Variants in PRKAG2 observed in about 807,000 individuals in gnomAD.
PRKAG2 encodes protein kinase AMP-activated non-catalytic subunit gamma 2, also known as 5'-AMP-activated protein kinase subunit gamma-2.
A neutral mutation model predicts 69.6 loss-of-function variants in PRKAG2; 26 were observed. The observed-to-expected ratio is 0.37, with a 90% CI of 0.27 to 0.52. The LOEUF is 0.52. PRKAG2 is among the 20% of genes least tolerant of loss of function. The pLI is 0.90. For missense variants in PRKAG2, 557 were observed against 740.0 expected, an observed-to-expected ratio of 0.75 and a Z score of 2.87; for synonymous variants, 293 against 285.0, an observed-to-expected ratio of 1.03 and a Z score of -0.28.
intron 14 of PRKAG2, among the ~76,000 whole-genome samples, chr7:151,562,244 CAAAAA>C (rs575674668): frequency 1.2e-3 from 47 of 38,464 alleles, no homozygotes; most frequent in South Asian, 5.0e-3. Flanking sequence ...GACTTTGTCT[CAAAAA>C]AAAAAAAAAA....
intron 1 of PRKAG2, among the ~76,000 whole-genome samples, chr7:151,804,626 C>T (rs545071358): frequency 7.8e-4 from 119 of 152,312 alleles, no homozygotes; most frequent in African/African-American, 2.8e-3. Flanking sequence ...GTCTATTTCC[C>T]GCACTGACTC....
chr7:151,759,330 C>A (rs1329553111), intron 3 of PRKAG2, among the ~76,000 whole-genome samples: 2 of 152,310 alleles, frequency 1.3e-5, no homozygotes, highest in South Asian at 2.1e-4. Flanking sequence ...TAGAGCAGCA[C>A]CCCCGCAGCC....
intron 4 of PRKAG2, among the ~76,000 whole-genome samples, chr7:151,674,358 T>C (rs1396512628): frequency 6.6e-6 from 1 of 152,206 alleles, no homozygotes; most frequent in Non-Finnish European, 1.5e-5. Context: ...ACATTTCTAT[T>C]GTTTTAAGCC....
At chr7:151,596,380 A>C (rs1265090039) in intron 5 of PRKAG2, among the ~76,000 whole-genome samples, 3 of 152,250 alleles carry the variant, frequency 2.0e-5, no homozygotes, top group South Asian at 4.1e-4. Context: ...GCTACAAAAA[A>C]ACAAAATACT....
At chr7:151,660,577 T>A (rs552988144) in intron 4 of PRKAG2, among the ~76,000 whole-genome samples, 2 of 152,268 alleles carry the variant, frequency 1.3e-5, no homozygotes, top group Admixed American at 1.3e-4. Context: ...GCAATACTTA[T>A]ACTGTGTGTC....
chr7:151,751,944 T>C (rs1008068472), intron 3 of PRKAG2, among the ~76,000 whole-genome samples: 2 of 152,200 alleles, frequency 1.3e-5, no homozygotes, highest in Admixed American at 6.5e-5. Flanking sequence ...AAGGGCTCTT[T>C]AGAGCAATGG....
intron 1 of PRKAG2, among the ~76,000 whole-genome samples, chr7:151,846,125 T>C (rs1301692805): frequency 6.6e-6 from 1 of 152,250 alleles, no homozygotes; most frequent in Non-Finnish European, 1.5e-5. Flanking sequence ...TTACAATTTA[T>C]GGTGAACCAT....
At chr7:151,633,229 A>T (rs182734846) in intron 4 of PRKAG2, 3 of 152,322 alleles carry the variant, frequency 2.0e-5, no homozygotes, top group East Asian at 1.9e-4. Context: ...TAAACCTCTT[A>T]AAAAAAGAAA....
At chr7:151,605,936 C>CAAAA (rs560080587) in intron 5 of PRKAG2, among the ~76,000 whole-genome samples, 20 of 91,022 alleles carry the variant, frequency 2.2e-4, no homozygotes, top group African/African-American at 6.6e-4. Context: ...GACTCCGTCT[C>CAAAA]AAAAAAAAAA....
chr7:151,597,820 G>C (rs1302171988), intron 5 of PRKAG2, among the ~76,000 whole-genome samples: 4 of 124,804 alleles, frequency 3.2e-5, no homozygotes, highest in Non-Finnish European at 6.6e-5. Flanking sequence ...ACAAAAGGGA[G>C]CCCCCCCCCC....
intron 3 of PRKAG2, among the ~76,000 whole-genome samples, chr7:151,764,755 G>C (rs2075638770): frequency 6.6e-6 from 1 of 152,214 alleles, no homozygotes; most frequent in African/African-American, 2.4e-5. Flanking sequence ...TGTCAGGATG[G>C]TCAGGGTTTG....
intron 3 of PRKAG2, among the ~76,000 whole-genome samples, chr7:151,720,663 AGGGGATGGAG>A (rs1233159117): frequency 9.5e-5 from 5 of 52,386 alleles, no homozygotes; most frequent in South Asian, 8.7e-4. Context: ...GAGAGAATGG[AGGGGATGGAG>A]GGGGATGGAG....
At chr7:151,748,032 C>T (rs1202818223) in intron 3 of PRKAG2, among the ~76,000 whole-genome samples, 3 of 151,796 alleles carry the variant, frequency 2.0e-5, no homozygotes, top group African/African-American at 4.8e-5. Flanking sequence ...GCAATCCTCC[C>T]ACATCAGCCT....
At position 151,844,347 on chromosome 7, in the gene PRKAG2, G is replaced by A. The variant is rs116759166; in HGVS notation, c.114+32160C>T. ...TCTAGCTCTCAACTTCTACCACTCC[G>A]CGAAGTCGTGTGGGCTGGAAGTCAG... On this transcript the variant is annotated intron_variant, in intron 1 of 15. Coordinates refer to ENST00000287878, the MANE Select transcript of PRKAG2 (RefSeq NM_016203.4). Among the ~76,000 whole-genome samples, 406 of 152,230 alleles carry A rather than the reference G, an allele frequency of 2.7e-3. 2 individuals carry two copies. The highest frequency in any genetic ancestry group is 9.4e-3 in the African/African-American group (391 of 41,528).
At chr7:151,682,178 T>C (rs1411079518) in intron 3 of PRKAG2, among the ~76,000 whole-genome samples, 1 of 152,202 alleles carries the variant, frequency 6.6e-6, no homozygotes, top group Admixed American at 6.5e-5. Context: ...CTAAGCTTTT[T>C]TTCTTTTCAA....
At chr7:151,662,034 C>T (rs1387185335) in intron 4 of PRKAG2, among the ~76,000 whole-genome samples, 5 of 152,176 alleles carry the variant, frequency 3.3e-5, no homozygotes, top group Non-Finnish European at 7.3e-5. Context: ...AATTTTTCCA[C>T]CATTTAATGT....
At chr7:151,852,759 G>A (rs2079605053) in intron 1 of PRKAG2, among the ~76,000 whole-genome samples, 1 of 152,048 alleles carries the variant, frequency 6.6e-6, no homozygotes, top group Non-Finnish European at 1.5e-5. Flanking sequence ...AGAGGCCAGG[G>A]GTGTGCACGG....
intron 5 of PRKAG2, among the ~76,000 whole-genome samples, chr7:151,601,949 G>A (rs1182093510): frequency 6.6e-6 from 1 of 152,230 alleles, no homozygotes. Context: ...GGAGGGAACG[G>A]ATGGACAGAT....
At position 151,557,821 on chromosome 7, in the gene PRKAG2, G is replaced by A. The variant is rs559048169; in HGVS notation, c.1679-589C>T. On this transcript the variant is annotated intron_variant, in intron 15 of 15. Transcript: ENST00000287878. ...GGAGGTGGAGGTTGCAGTGAGCCGA[G>A]AGATCATGCCATTGCACTCCAGCCT... is the stretch of plus-strand genomic sequence containing the variant. 134 of 786,618 alleles carry A rather than the reference G, an allele frequency of 1.7e-4. 1 individual carries two copies. Among genetic ancestry groups the A allele is most frequent in the Non-Finnish European group, 2.0e-4 (132 of 649,442 alleles). The allele number at this position is 786,618 out of a possible 1,614,324, so 48.7% of individuals were successfully genotyped here.
Sources: gnomAD v4.1 joint callset for allele counts (sites outside exome capture counted in the v4.1 genomes callset) on GRCh38, gnomAD v4.1.1 for gene constraint, MANE v1.5 for transcripts, NCBI Gene and HGNC (gene_info 2026-07-23, HGNC 2026-07-21) for gene names.